MCC: variants seen among roughly 807,000 people sequenced by gnomAD.
MCC encodes the protein colorectal mutant cancer protein.
In MCC, 90 loss-of-function variants were observed where a neutral mutation model predicts 116.2. The ratio of observed to expected loss-of-function variants is 0.77; its 90% CI spans 0.65 to 0.92. The LOEUF (loss-of-function observed/expected upper bound fraction) is 0.92. Among genes scored for constraint, MCC ranks in the 40% least tolerant of loss-of-function variants. MCC has a pLI of 0.00. For synonymous variants in MCC, 578 were observed against 510.5 expected (o/e 1.13, Z -1.78); for missense variants, 1,516 against 1,312.2 (o/e 1.16, Z -2.40).
At chr5:113,125,420 AGAGT>A (rs1392366949) in intron 5 of MCC, among the ~76,000 whole-genome samples, 1 of 152,210 alleles carries the variant, frequency 6.6e-6, no homozygotes, top group Admixed American at 6.5e-5. Flanking sequence ...TGTGCCACAA[AGAGT>A]GAGGTATAAA....
At chr5:113,156,248 C>T (rs941885339) in intron 3 of MCC, among the ~76,000 whole-genome samples, 1 of 152,218 alleles carries the variant, frequency 6.6e-6, no homozygotes, top group African/African-American at 2.4e-5. Flanking sequence ...AATCCTAATT[C>T]ACAGAATCAG....
intron 1 of MCC, among the ~76,000 whole-genome samples, chr5:113,391,211 A>G (rs989308892): frequency 6.6e-6 from 1 of 152,178 alleles, no homozygotes; most frequent in Non-Finnish European, 1.5e-5. Context: ...AGAGAGACAC[A>G]AAAGAGATGG....
chr5:113,118,151 A>T (rs1757498474), intron 6 of MCC, among the ~76,000 whole-genome samples: 1 of 152,216 alleles, frequency 6.6e-6, no homozygotes, highest in African/African-American at 2.4e-5. Context: ...CAGGTTGGGG[A>T]TTAAACATGA....
intron 1 of MCC, among the ~76,000 whole-genome samples, chr5:113,465,781 A>T (rs1233940519): frequency 2.0e-5 from 3 of 152,202 alleles, no homozygotes; most frequent in Admixed American, 2.0e-4. Flanking sequence ...GGATTCAAAG[A>T]ATTGTAAAGT....
At chr5:113,196,746 G>A (rs1008248450) in intron 3 of MCC, among the ~76,000 whole-genome samples, 2 of 152,134 alleles carry the variant, frequency 1.3e-5, no homozygotes, top group African/African-American at 4.8e-5. Context: ...CTACTCAGGA[G>A]GCTGAGGCAG....
intron 1 of MCC, among the ~76,000 whole-genome samples, chr5:113,482,562 G>A (rs1008100378): frequency 6.6e-6 from 1 of 152,110 alleles, no homozygotes; most frequent in Non-Finnish European, 1.5e-5. Context: ...GTCTTCCTTG[G>A]AGAAATGTCT....
chr5:113,183,064 G>T (rs1264581757), intron 3 of MCC, among the ~76,000 whole-genome samples: 2 of 152,190 alleles, frequency 1.3e-5, no homozygotes, highest in Non-Finnish European at 2.9e-5. Context: ...CAGGTGGGCA[G>T]AGCACCTTAA....
intron 3 of MCC, among the ~76,000 whole-genome samples, chr5:113,339,445 A>T (rs1185088017): frequency 1.0e-5 from 1 of 99,494 alleles, no homozygotes; most frequent in Non-Finnish European, 2.0e-5. Flanking sequence ...GTGTGCGTGC[A>T]TGTGTGTTTT....
At chr5:113,114,417 A>C (rs973929614) in intron 6 of MCC, among the ~76,000 whole-genome samples, 4 of 152,208 alleles carry the variant, frequency 2.6e-5, no homozygotes, top group African/African-American at 9.7e-5. Flanking sequence ...GTACACAGGC[A>C]CAAGTTGACA....
At chr5:113,442,728 T>C (rs992416511) in intron 1 of MCC, among the ~76,000 whole-genome samples, 9 of 152,238 alleles carry the variant, frequency 5.9e-5, no homozygotes, top group African/African-American at 1.9e-4. Flanking sequence ...GCTAGCCAGT[T>C]TTCCCAGCAC....
chr5:113,228,330 T>A (rs1398574714), intron 3 of MCC, among the ~76,000 whole-genome samples: 1 of 151,392 alleles, frequency 6.6e-6, no homozygotes, highest in African/African-American at 2.4e-5. Flanking sequence ...ACACCTACCA[T>A]ACACACACAC....
chr5:113,212,434 G>C (rs1763167314), intron 3 of MCC, among the ~76,000 whole-genome samples: 1 of 151,902 alleles, frequency 6.6e-6, no homozygotes, highest in South Asian at 2.1e-4. Flanking sequence ...TACCATTCTT[G>C]GAAAGCATTC....
At chr5:113,382,750 C>G (rs1157400193) in intron 2 of MCC, among the ~76,000 whole-genome samples, 1 of 152,116 alleles carries the variant, frequency 6.6e-6, no homozygotes, top group Non-Finnish European at 1.5e-5. Flanking sequence ...CAAATAACAA[C>G]TGCCCCCATT....
At chr5:113,072,791 G>A (rs1754129310) in intron 11 of MCC, among the ~76,000 whole-genome samples, 1 of 152,174 alleles carries the variant, frequency 6.6e-6, no homozygotes, top group South Asian at 2.1e-4. Context: ...TGCTCCGCTG[G>A]CTCACAACTT....
At chr5:113,325,384 G>T (rs1767527605) in intron 3 of MCC, among the ~76,000 whole-genome samples, 2 of 149,858 alleles carry the variant, frequency 1.3e-5, no homozygotes, top group South Asian at 2.1e-4. Flanking sequence ...CTGGAGAAGT[G>T]TACTAAATTC....
intron 1 of MCC, among the ~76,000 whole-genome samples, chr5:113,446,892 G>A (rs1376163719): frequency 6.6e-6 from 1 of 152,016 alleles, no homozygotes; most frequent in Non-Finnish European, 1.5e-5. Flanking sequence ...CCAAACCTCA[G>A]TATCACACAA....
intron 8 of MCC, 103 bp from the exon 9 acceptor site, chr5:113,085,413 A>C: frequency 8.7e-7 from 1 of 1,154,730 alleles, no homozygotes; most frequent in East Asian, 2.4e-5. Context: ...TTGAGGGATC[A>C]GCCCACTGAA....
intron 8 of MCC, among the ~76,000 whole-genome samples, chr5:113,095,288 A>G (rs1755935894): frequency 6.6e-6 from 1 of 152,166 alleles, no homozygotes; most frequent in Non-Finnish European, 1.5e-5. Context: ...GCCTCCCCTA[A>G]TAAGGCCACC....
chr5:113,352,959 T>C (rs925730496), intron 2 of MCC, among the ~76,000 whole-genome samples: 4 of 152,308 alleles, frequency 2.6e-5, no homozygotes, highest in South Asian at 2.1e-4. Flanking sequence ...ATCTGCACGT[T>C]AGGTCAATGG....
Sources: gnomAD v4.1 joint callset for allele counts (sites outside exome capture counted in the v4.1 genomes callset) on GRCh38, gnomAD v4.1.1 for gene constraint, MANE v1.5 for transcripts, NCBI Gene and HGNC (gene_info 2026-07-23, HGNC 2026-07-21) for gene names.